MARCHF3: variants seen among roughly 807,000 people sequenced by gnomAD.
The protein encoded by MARCHF3 is E3 ubiquitin-protein ligase MARCHF3.
In MARCHF3, 13 loss-of-function variants were observed where a neutral mutation model predicts 24.2. The observed-to-expected ratio is 0.54, with a 90% confidence interval of 0.35 to 0.85. The LOEUF (loss-of-function observed/expected upper bound fraction) is 0.85. MARCHF3 is among the 40% of genes least tolerant of loss of function. MARCHF3 has a pLI of 0.01. For synonymous variants in MARCHF3, 144 were observed against 137.3 expected, an observed-to-expected ratio of 1.05 and a Z score of -0.34; for missense variants, 276 against 325.0, an observed-to-expected ratio of 0.85 and a Z score of 1.16.
intron 1 of MARCHF3, among the ~76,000 whole-genome samples, chr5:126,984,921 A>AGT (rs1187099976): frequency 6.6e-6 from 1 of 152,186 alleles, no homozygotes; most frequent in African/African-American, 2.4e-5. Context: ...GCTGTCAGTG[A>AGT]GTGCATGACT....
chr5:126,872,554 G>T lies in MARCHF3; in HGVS notation c.604-1763C>A, dbSNP rs1273469410. Among the ~76,000 whole-genome samples, 2 of 152,164 alleles carry T rather than the reference G, an allele frequency of 1.3e-5. 1 individual carries two copies. The highest frequency in any genetic ancestry group is 2.9e-5 in the Non-Finnish European group (2 of 68,034). ...GTCTGGGCTGTTTAATTATCTGGGA[G>T]TAGGTGTGTTGTGTTGATCCCACTA... On this transcript the variant is annotated intron_variant, in intron 4 of 4. Coordinates refer to ENST00000308660, the MANE Select transcript of MARCHF3 (RefSeq NM_178450.5).
At chr5:126,954,092 G>C (rs1216894791) in intron 1 of MARCHF3, among the ~76,000 whole-genome samples, 1 of 151,758 alleles carries the variant, frequency 6.6e-6, no homozygotes, top group Non-Finnish European at 1.5e-5. Context: ...TGTCGCCCAG[G>C]CGCAATCTCC....
intron 2 of MARCHF3, among the ~76,000 whole-genome samples, chr5:126,916,056 A>G (rs997303165): frequency 4.6e-5 from 7 of 152,240 alleles, no homozygotes; most frequent in Non-Finnish European, 2.9e-5. Flanking sequence ...ACCAGCATAC[A>G]GCAAATGCCT....
chr5:126,910,126 A>G (rs1479703695), intron 3 of MARCHF3, among the ~76,000 whole-genome samples: 1 of 152,220 alleles, frequency 6.6e-6, no homozygotes, highest in South Asian at 2.1e-4. Context: ...AGAGGAAAAA[A>G]TCAGATCCTA....
chr5:126,951,996 A>G (rs58249730), intron 1 of MARCHF3, among the ~76,000 whole-genome samples: 7,836 of 152,018 alleles, frequency 0.052, 374 homozygotes, highest in South Asian at 0.14. Flanking sequence ...ACAGGCGCCC[A>G]CCACCACGCC....
intron 3 of MARCHF3, among the ~76,000 whole-genome samples, chr5:126,906,309 A>G (rs1754294279): frequency 6.6e-6 from 1 of 152,186 alleles, no homozygotes; most frequent in Admixed American, 6.5e-5. Flanking sequence ...AGGCTTTGGT[A>G]TCAGGATGAT....
intron 4 of MARCHF3, among the ~76,000 whole-genome samples, chr5:126,874,960 G>A (rs904742470): frequency 6.6e-6 from 1 of 152,122 alleles, no homozygotes; most frequent in African/African-American, 2.4e-5. Flanking sequence ...TTGAGGAACC[G>A]GGTCGCTCAT....
chr5:126,955,055 C>T (rs547616725), intron 1 of MARCHF3, among the ~76,000 whole-genome samples: 1 of 152,194 alleles, frequency 6.6e-6, no homozygotes, highest in South Asian at 2.1e-4. Flanking sequence ...CTTTGTTCGC[C>T]CAACGCTGTT....
intron 1 of MARCHF3, among the ~76,000 whole-genome samples, chr5:126,942,305 C>T (rs1749856077): frequency 6.6e-6 from 1 of 152,164 alleles, no homozygotes; most frequent in Non-Finnish European, 1.5e-5. Context: ...ACCAAACAGT[C>T]TGTCACAACT....
At chr5:126,956,663 A>AAAC (rs1561446043) in intron 1 of MARCHF3, among the ~76,000 whole-genome samples, 1 of 146,806 alleles carries the variant, frequency 6.8e-6, no homozygotes, top group East Asian at 2.1e-4. Flanking sequence ...AAAAAAAAAA[A>AAAC]AAAAAAAACC....
At chr5:126,908,912 T>C (rs1470855271) in intron 3 of MARCHF3, among the ~76,000 whole-genome samples, 2 of 152,232 alleles carry the variant, frequency 1.3e-5, no homozygotes, top group Non-Finnish European at 2.9e-5. Context: ...TTTTAGAGTT[T>C]CCAGTTTTTC....
At chr5:127,000,912 C>T (rs1171147058) in intron 1 of MARCHF3, among the ~76,000 whole-genome samples, 4 of 151,978 alleles carry the variant, frequency 2.6e-5, no homozygotes, top group Non-Finnish European at 4.4e-5. Flanking sequence ...GTGATCCATC[C>T]GCCTCGGCCT....
chr5:126,932,889 T>C (rs1402618313), intron 1 of MARCHF3, among the ~76,000 whole-genome samples: 1 of 152,122 alleles, frequency 6.6e-6, no homozygotes. Context: ...AATGGTCCTA[T>C]TTTTTTCTGG....
intron 1 of MARCHF3, among the ~76,000 whole-genome samples, chr5:126,963,986 G>A (rs186665563): frequency 3.1e-4 from 47 of 152,296 alleles, no homozygotes; most frequent in African/African-American, 8.9e-4. Context: ...TGGTTAAGGG[G>A]ACTGAGTGAG....
intron 3 of MARCHF3, among the ~76,000 whole-genome samples, chr5:126,889,943 C>T (rs1164839776): frequency 2.6e-5 from 4 of 152,192 alleles, no homozygotes; most frequent in African/African-American, 9.6e-5. Context: ...TCATGATTTT[C>T]AAGATTTCAG....
chr5:126,979,675 G>A (rs1278511041), intron 1 of MARCHF3, among the ~76,000 whole-genome samples: 3 of 152,064 alleles, frequency 2.0e-5, no homozygotes, highest in Admixed American at 6.6e-5. Context: ...GAGGCCAGGC[G>A]CAGTGGCTCA....
intron 1 of MARCHF3, among the ~76,000 whole-genome samples, chr5:126,954,276 C>G (rs1750359518): frequency 2.0e-5 from 3 of 149,582 alleles, no homozygotes; most frequent in Non-Finnish European, 3.0e-5. Flanking sequence ...GTCTTGATCT[C>G]CTGACCTCGT....
intron 1 of MARCHF3, among the ~76,000 whole-genome samples, chr5:126,967,554 G>A (rs1161893518): frequency 3.9e-5 from 6 of 152,112 alleles, no homozygotes; most frequent in Admixed American, 1.3e-4. Flanking sequence ...CTAGCCAGGC[G>A]TGGTGGCCGG....
chr5:126,898,029 C>T (rs1030140784), intron 3 of MARCHF3, among the ~76,000 whole-genome samples: 9 of 151,938 alleles, frequency 5.9e-5, no homozygotes, highest in African/African-American at 2.2e-4. Context: ...TAGTGGCTGC[C>T]TAGGCTGGGG....
Sources: gnomAD v4.1 joint callset for allele counts (sites outside exome capture counted in the v4.1 genomes callset) on GRCh38, gnomAD v4.1.1 for gene constraint, MANE v1.5 for transcripts, NCBI Gene and HGNC (gene_info 2026-07-23, HGNC 2026-07-21) for gene names.